Variants in C8orf34 observed in about 807,000 individuals in gnomAD.
C8orf34 encodes chromosome 8 open reading frame 34.
A neutral mutation model predicts 68.3 loss-of-function variants in C8orf34; 65 were observed. That is an observed-to-expected ratio of 0.95 (90% CI 0.78 to 1.17). The LOEUF (loss-of-function observed/expected upper bound fraction) is 1.17. C8orf34 is among the 50% of genes most tolerant of loss of function. The pLI is 0.00. For synonymous variants in C8orf34, 244 were observed against 241.2 expected (o/e 1.01, Z -0.11); for missense variants, 664 against 655.4 (o/e 1.01, Z -0.14).
intron 1 of C8orf34, among the ~76,000 whole-genome samples, chr8:68,404,357 G>A (rs1159330479): frequency 6.6e-6 from 1 of 152,130 alleles, no homozygotes; most frequent in Non-Finnish European, 1.5e-5. Context: ...TTCTTTTGCT[G>A]TGCAGAAGCT....
chr8:68,426,417 C>T (rs957893739), intron 1 of C8orf34, among the ~76,000 whole-genome samples: 3 of 149,498 alleles, frequency 2.0e-5, no homozygotes, highest in African/African-American at 7.4e-5. Context: ...TGCTCGGGGG[C>T]CCAAGGTGGG....
intron 10 of C8orf34, among the ~76,000 whole-genome samples, chr8:68,766,140 A>T (rs940903568): frequency 6.6e-6 from 1 of 152,202 alleles, no homozygotes. Context: ...TATCTGAAAA[A>T]TCAATCACTT....
At chr8:68,735,791 C>A in intron 10 of C8orf34, among the ~76,000 whole-genome samples, 1 of 152,304 alleles carries the variant, frequency 6.6e-6, no homozygotes, top group Non-Finnish European at 1.5e-5. Flanking sequence ...ATCACTTATT[C>A]TTTTAATGAA....
rs1388602938 is a variant in C8orf34 at position 68,602,614 on chromosome 8, A to T, written c.1106-37762A>T. Among the ~76,000 whole-genome samples the T allele has an allele frequency of 2.6e-5, 4 of 152,086 alleles. No individual in the cohort carries two copies. In the East Asian group the frequency reaches 7.8e-4, roughly 29 times the overall value. On this transcript the variant is annotated intron_variant, in intron 7 of 13. Coordinates refer to ENST00000518698, the MANE Select transcript of C8orf34 (RefSeq NM_052958.4). ...GGGATTATGGGAACTACAATTCAAG[A>T]TGAGATTTGGGTGGGGAAACAGCCA...
intron 12 of C8orf34, among the ~76,000 whole-genome samples, chr8:68,792,905 G>A (rs186536031): frequency 3.3e-5 from 5 of 151,866 alleles, no homozygotes; most frequent in Admixed American, 3.3e-4. Context: ...GTGTATGTAT[G>A]CATATATAAA....
intron 5 of C8orf34, among the ~76,000 whole-genome samples, chr8:68,515,619 T>C (rs1484950123): frequency 1.3e-5 from 2 of 152,202 alleles, no homozygotes; most frequent in Non-Finnish European, 2.9e-5. Context: ...CTCATTAATA[T>C]GTTCTGAGTA....
chr8:68,788,002 A>G (rs145367803), intron 12 of C8orf34, among the ~76,000 whole-genome samples: 174 of 152,328 alleles, frequency 1.1e-3, no homozygotes, highest in African/African-American at 4.0e-3. Flanking sequence ...AAACAAGTAG[A>G]CTAATGGCTC....
At chr8:68,450,728 C>T (rs953049565) in intron 3 of C8orf34, among the ~76,000 whole-genome samples, 7 of 152,190 alleles carry the variant, frequency 4.6e-5, no homozygotes, top group Middle Eastern at 3.4e-3. Flanking sequence ...ATGCTGGAAA[C>T]GGATGTGCTG....
At chr8:68,346,948 TTTTA>T (rs1383456535) in intron 1 of C8orf34, among the ~76,000 whole-genome samples, 1 of 152,004 alleles carries the variant, frequency 6.6e-6, no homozygotes, top group African/African-American at 2.4e-5. Context: ...GCTTTTTACA[TTTTA>T]TTTATTTTAT....
chr8:68,362,505 C>A (rs1358399330), intron 1 of C8orf34, among the ~76,000 whole-genome samples: 1 of 152,136 alleles, frequency 6.6e-6, no homozygotes, highest in Non-Finnish European at 1.5e-5. Flanking sequence ...GCATTTCCAT[C>A]TGAGCTTTGA....
intron 11 of C8orf34, among the ~76,000 whole-genome samples, chr8:68,786,330 A>G (rs537105385): frequency 9.9e-5 from 15 of 152,062 alleles, no homozygotes; most frequent in African/African-American, 3.4e-4. Flanking sequence ...ACCTCCTCCT[A>G]TATGAATGTT....
chr8:68,787,011 TGAAGTAATACTAGGA>T (rs1302549751), intron 11 of C8orf34, among the ~76,000 whole-genome samples: 1 of 152,078 alleles, frequency 6.6e-6, no homozygotes, highest in Non-Finnish European at 1.5e-5. Context: ...AAGGAGGCAG[TGAAGTAATACTAGGA>T]GAGTAAAATC....
intron 1 of C8orf34, among the ~76,000 whole-genome samples, chr8:68,426,874 A>AAACC (rs144881245): frequency 8.4e-4 from 127 of 151,072 alleles, no homozygotes; most frequent in African/African-American, 2.8e-3. Flanking sequence ...CGTCTAAAAA[A>AAACC]AAACCAAACC....
intron 1 of C8orf34, among the ~76,000 whole-genome samples, chr8:68,380,632 G>A (rs1158079354): frequency 5.3e-5 from 8 of 152,148 alleles, no homozygotes. Context: ...TTTATTGAAT[G>A]CATCAATATT....
chr8:68,589,653 AAGGAAAGG>A (rs1423567539), intron 7 of C8orf34, among the ~76,000 whole-genome samples: 2 of 147,602 alleles, frequency 1.4e-5, no homozygotes, highest in East Asian at 2.0e-4. Context: ...AGAGAGGAGG[AAGGAAAGG>A]AGGAAAGGAG....
intron 1 of C8orf34, among the ~76,000 whole-genome samples, chr8:68,358,543 T>C (rs1189943922): frequency 1.3e-5 from 2 of 151,984 alleles, no homozygotes; most frequent in African/African-American, 2.4e-5. Context: ...TTGTTCAGTG[T>C]CTGGCTCTGC....
intron 1 of C8orf34, among the ~76,000 whole-genome samples, chr8:68,383,802 A>G (rs554606467): frequency 8.0e-4 from 122 of 152,316 alleles, no homozygotes; most frequent in African/African-American, 2.9e-3. Context: ...TCTTGTGCCA[A>G]TGTGTCCAGG....
chr8:68,435,703 C>G (rs1169946420), intron 1 of C8orf34, among the ~76,000 whole-genome samples: 1 of 152,194 alleles, frequency 6.6e-6, no homozygotes, highest in African/African-American at 2.4e-5. Context: ...AACTCTAACT[C>G]AGATCATATG....
Position 68,494,858 on chromosome 8 carries a change from A to T in C8orf34, c.765+6807A>T, listed in dbSNP as rs547534443. ...GTGACAGAGTGAGACTCCATCTCAA[A>T]ATATATATATATTATATATATCTCA... On this transcript the variant is annotated intron_variant, in intron 5 of 13. Transcript: ENST00000518698. Among the ~76,000 whole-genome samples, 284 of 151,082 alleles carry T rather than the reference A, an allele frequency of 1.9e-3. 1 individual carries two copies. Among genetic ancestry groups the T allele is most frequent in the Non-Finnish European group, 3.1e-3 (210 of 67,842 alleles).
Sources: allele counts gnomAD v4.1 joint callset (sites outside exome capture counted in the v4.1 genomes callset), GRCh38; gene constraint gnomAD v4.1.1; transcripts MANE v1.5; gene names NCBI Gene and HGNC (gene_info 2026-07-23, HGNC 2026-07-21).